COQ5: variants seen among roughly 807,000 people sequenced by gnomAD.
COQ5 encodes the protein coenzyme Q5, methyltransferase.
Under a neutral mutation model 40.5 loss-of-function variants are expected in COQ5, and 27 were observed. The ratio of observed to expected loss-of-function variants is 0.67; its 90% confidence interval spans 0.49 to 0.92. COQ5 has a LOEUF of 0.92. Ranked by LOEUF, COQ5 falls within the 40% of genes least tolerant of loss-of-function variation. The pLI, the probability that COQ5 is intolerant of heterozygous loss-of-function variation, is 0.00. For synonymous variants in COQ5, 141 were observed against 150.0 expected, an observed-to-expected ratio of 0.94 and a Z score of 0.44; for missense variants, 409 against 406.4, an observed-to-expected ratio of 1.01 and a Z score of -0.06.
intron 4 of COQ5, among the ~76,000 whole-genome samples, chr12:120,507,303 G>A (rs573901121): frequency 1.1e-3 from 131 of 119,008 alleles, no homozygotes; most frequent in Non-Finnish European, 2.8e-4. Flanking sequence ...TTTTTTTTTT[G>A]AGACGGAGTC....
intron 2 of COQ5, among the ~76,000 whole-genome samples, chr12:120,520,140 TTTA>T (rs1225451352): frequency 2.6e-5 from 4 of 151,016 alleles, no homozygotes; most frequent in African/African-American, 7.3e-5. Context: ...TATGTATTTA[TTTA>T]TTATTATTAT....
chr12:120,514,780 A>ACAACAACAACAT (rs1869306663), intron 3 of COQ5, among the ~76,000 whole-genome samples: 1 of 151,560 alleles, frequency 6.6e-6, no homozygotes, highest in Non-Finnish European at 1.5e-5. Flanking sequence ...AACAACAACA[A>ACAACAACAACAT]CAAAAACTGG....
intron 1 of COQ5, among the ~76,000 whole-genome samples, chr12:120,528,095 A>AGGAGGCT (rs1870050032): frequency 6.8e-6 from 1 of 146,854 alleles, no homozygotes; most frequent in South Asian, 2.2e-4. Context: ...CCAGCTACTC[A>AGGAGGCT]GGAGGCTGAG....
At chr12:120,524,038 T>G (rs1399514633) in intron 1 of COQ5, 1 of 294,454 alleles carries the variant, frequency 3.4e-6, no homozygotes. Flanking sequence ...GCATGATTAA[T>G]GGAAGGAAAG....
chr12:120,528,805 C>CAA (rs35915101), intron 1 of COQ5, 135 bp downstream of exon 1: 151,771 of 718,340 alleles, frequency 0.21, 5,631 homozygotes, highest in East Asian at 0.35. Flanking sequence ...ATTCTGTCTC[C>CAA]AAAAAAAAAA....
chr12:120,520,738 G>A (rs1207463039), intron 2 of COQ5, among the ~76,000 whole-genome samples: 1 of 151,894 alleles, frequency 6.6e-6, no homozygotes, highest in African/African-American at 2.4e-5. Flanking sequence ...GATTATAGGC[G>A]TGAGCCACCA....
At position 120,511,933 on chromosome 12, in the gene COQ5, C is replaced by T. The variant is rs972248766; in HGVS notation, c.575-1810G>A. 6.1e-4 allele frequency among the ~76,000 whole-genome samples: 93 copies of T among 152,194 alleles called. 1 individual carries two copies. The highest frequency in any genetic ancestry group is 1.8e-3 in the African/African-American group (74 of 41,526). On this transcript the variant is annotated intron_variant, in intron 3 of 6. Coordinates refer to ENST00000288532, the MANE Select transcript of COQ5 (RefSeq NM_032314.4). ...TAGCATAAAAAATAATGATTTTGGC[C>T]GGGTGTGGTGGCTCACGCCTGTAAT...
At position 120,522,302 on chromosome 12, in the gene COQ5, A is replaced by G; in HGVS notation, c.264T>C (p.Leu88=). 2.5e-6 allele frequency: 4 copies of G among 1,613,844 alleles called. No homozygotes were observed. The South Asian group carries it at 3.3e-5, about 13-fold the overall frequency. ...KYDVMNDMMS[L]GIHRVWKDLL... Reference sequence around the variant, plus strand: ...AATCCTTCCAAACACGATGGATACCAAGACTCATCATATCATTCATCACAT... The same window carrying G: ...AATCCTTCCAAACACGATGGATACCGAGACTCATCATATCATTCATCACAT... The change falls in exon 2 of 7, where the codon CTT becomes CTC. Residue 88 remains leucine, a synonymous_variant. Transcript: ENST00000288532.
chr12:120,522,453 G>T, intron 1 of COQ5, 90 bp from the exon 2 acceptor site: 1 of 1,288,912 alleles, frequency 7.8e-7, no homozygotes, highest in Non-Finnish European at 1.1e-6. Flanking sequence ...TTTTTCCCCT[G>T]AAATGACCTG....
In COQ5 at chr12:120,503,800, G is replaced by T; in HGVS notation, c.968C>A (p.Ser323Tyr). 6.2e-7 allele frequency: 1 copy of T among 1,613,656 alleles called. No homozygotes were observed. Among genetic ancestry groups the T allele is most frequent in the Non-Finnish European group, 8.5e-7 (1 of 1,179,534 alleles). ...SLTSGIVAIH[S>Y]GFKL is the part of the protein sequence containing the mutation. ...GGAAAGGAATTAAAGTTTGAAGCCA[G>T]AATGAATGGCCACAATGCCTGATGT... Residue 323 changes from serine to tyrosine, a missense_variant, in exon 7 of 7, where the codon TCT becomes TAT. By Grantham distance (144) the Ser-to-Tyr change is moderately radical (BLOSUM62 -2). Coordinates refer to ENST00000288532, the MANE Select transcript of COQ5 (RefSeq NM_032314.4).
intron 1 of COQ5, among the ~76,000 whole-genome samples, chr12:120,524,933 T>C (rs1869869854): frequency 6.6e-6 from 1 of 151,692 alleles, no homozygotes; most frequent in African/African-American, 2.4e-5. Context: ...TGGCTCAGCC[T>C]CCCAAGTAGC....
rs1414705586 is a variant in COQ5 at position 120,509,166 on chromosome 12, T to C, written c.681+851A>G. Among the ~76,000 whole-genome samples, 5 of 152,064 alleles carry C rather than the reference T, an allele frequency of 3.3e-5. No individual in the cohort carries two copies. In the East Asian group the frequency reaches 9.6e-4, roughly 29 times the overall value. ...CCCAGGCAACCAGAGACCATGTTAC[T>C]GAAATGAAACTCTTTGCCTTGCACA... On this transcript the variant is annotated intron_variant, in intron 4 of 6. Coordinates refer to ENST00000288532, the MANE Select transcript of COQ5 (RefSeq NM_032314.4).
rs572924225 is a variant in COQ5, at chr12:120,505,072, T to C, written c.682-89A>G. The C allele has an allele frequency of 1.2e-5, 12 of 1,023,034 alleles. No individual in the cohort carries two copies. The East Asian group carries it at 2.9e-4, about 25-fold the overall frequency. 63.4% of individuals were successfully genotyped at this position (1,023,034 alleles called of 1,614,324 possible). A position where few individuals can be genotyped will look rare whatever the true frequency, so the allele number is the denominator to read the frequency against. Reference sequence around the variant, plus strand: ...AAGACAGCTTTAGCTTCTGCAGGCATTAAAAAAGTTATCATGGCCCACAAA... The same window carrying C: ...AAGACAGCTTTAGCTTCTGCAGGCACTAAAAAAGTTATCATGGCCCACAAA... On this transcript the variant is annotated intron_variant, in intron 4 of 6. Transcript: ENST00000288532.
chr12:120,518,578 T>C (rs1869497511), intron 2 of COQ5, among the ~76,000 whole-genome samples: 1 of 151,744 alleles, frequency 6.6e-6, no homozygotes, highest in Non-Finnish European at 1.5e-5. Context: ...TTTTTTTTTT[T>C]TCCCTGAGAC....
At chr12:120,520,305 G>A (rs1339775843) in intron 2 of COQ5, among the ~76,000 whole-genome samples, 3 of 149,618 alleles carry the variant, frequency 2.0e-5, no homozygotes, top group Admixed American at 6.7e-5. Context: ...CACCTTGCCG[G>A]CTATTTTTAT....
At chr12:120,517,047 A>AC (rs1555223033) in intron 2 of COQ5, among the ~76,000 whole-genome samples, 331 of 137,538 alleles carry the variant, frequency 2.4e-3, no homozygotes, top group Middle Eastern at 4.1e-3. Flanking sequence ...TTCAACACTA[A>AC]CTTTTTTTTT....
chr12:120,526,529 T>G, intron 1 of COQ5: 1 of 453,570 alleles, frequency 2.2e-6, no homozygotes, highest in Non-Finnish European at 4.4e-6. Context: ...CAGCAAAAAC[T>G]TTCACATTAA....
chr12:120,522,309 A>G lies in COQ5; in HGVS notation c.257T>C (p.Met86Thr). ...CCAAACACGATGGATACCAAGACTC[A>G]TCATATCATTCATCACATCATACTT... is the stretch of plus-strand genomic sequence containing the variant. ...AKKYDVMNDM[M>T]SLGIHRVWKD... The change falls in exon 2 of 7, where the codon ATG becomes ACG. Residue 86 changes from methionine to threonine, a missense_variant. Met to Thr is a moderately conservative substitution (Grantham distance 81). Coordinates refer to ENST00000288532, the MANE Select transcript of COQ5 (RefSeq NM_032314.4). 6.2e-7 allele frequency: 1 copy of G among 1,613,568 alleles called. No individual in the cohort carries two copies.
chr12:120,507,711 A>G (rs1367467543), intron 4 of COQ5, among the ~76,000 whole-genome samples: 1 of 149,430 alleles, frequency 6.7e-6, no homozygotes, highest in African/African-American at 2.4e-5. Flanking sequence ...AACATGGAGA[A>G]ACTCCGTCTC....
Sources: allele counts gnomAD v4.1 joint callset (sites outside exome capture counted in the v4.1 genomes callset), GRCh38; gene constraint gnomAD v4.1.1; transcripts MANE v1.5; gene names NCBI Gene and HGNC (gene_info 2026-07-23, HGNC 2026-07-21).